IQCH: variants seen among roughly 807,000 people sequenced by gnomAD.
The protein encoded by IQCH is IQ motif containing H.
Under a neutral mutation model 117.0 loss-of-function variants are expected in IQCH, and 98 were observed. That is an observed-to-expected ratio of 0.84 (90% CI 0.71 to 0.99). The LOEUF (loss-of-function observed/expected upper bound fraction) is 0.99. Ranked by LOEUF, IQCH falls within the 50% of genes least tolerant of loss-of-function variation. The probability of loss-of-function intolerance (pLI) is 0.00; values close to 1 mark genes in which losing one functional copy is unlikely to be tolerated. For missense variants in IQCH, 1,102 were observed against 1,243.8 expected (o/e 0.89, Z 1.72); for synonymous variants, 412 against 448.2 (o/e 0.92, Z 1.02).
chr15:67,460,275 TA>T (rs1330889420), intron 16 of IQCH, among the ~76,000 whole-genome samples: 1 of 152,218 alleles, frequency 6.6e-6, no homozygotes, highest in Admixed American at 6.5e-5. Flanking sequence ...TGGAAGTCTA[TA>T]TACAGTTGCA....
Position 67,479,327 on chromosome 15 carries a change from G to A in IQCH, c.2799+3509G>A, listed in dbSNP as rs1459790433. Among the ~76,000 whole-genome samples the A allele has an allele frequency of 6.6e-6, 1 of 152,184 alleles. No individual in the cohort carries two copies. The highest frequency in any genetic ancestry group is 1.5e-5 in the Non-Finnish European group (1 of 68,038). On this transcript the variant is annotated intron_variant, in intron 18 of 20. Transcript: ENST00000335894. This position sits in a 1 kb window ranked among gnomAD's most constrained non-coding sequence, Gnocchi z 4.6. Reference sequence around the variant, plus strand: ...AGGGTCATACAGCCAGGAATTTTGTGGAACTGACATTTGAACCCGTAATTG... The same window carrying A: ...AGGGTCATACAGCCAGGAATTTTGTAGAACTGACATTTGAACCCGTAATTG...
At chr15:67,293,391 G>T (rs926720552) in intron 4 of IQCH, among the ~76,000 whole-genome samples, 1 of 152,088 alleles carries the variant, frequency 6.6e-6, no homozygotes, top group African/African-American at 2.4e-5. Context: ...ACTAAAATCT[G>T]TGTATGCTCA....
rs754052457 is a variant in IQCH at position 67,438,367 on chromosome 15, C to T, written c.2505+16790C>T. Among the ~76,000 whole-genome samples, 151 of 152,274 alleles carry T rather than the reference C, an allele frequency of 9.9e-4. 1 individual carries two copies. Among genetic ancestry groups the T allele is most frequent in the Middle Eastern group, 3.4e-3 (1 of 294 alleles). Reference sequence around the variant, plus strand: ...CAAATGCTGAGAGAATTCGCCATTACCACGCCACCACTACAAGAACTGCTA... The same window carrying T: ...CAAATGCTGAGAGAATTCGCCATTATCACGCCACCACTACAAGAACTGCTA... On this transcript the variant is annotated intron_variant, in intron 16 of 20. Coordinates refer to ENST00000335894, the MANE Select transcript of IQCH (RefSeq NM_001031715.3).
intron 16 of IQCH, among the ~76,000 whole-genome samples, chr15:67,446,859 A>G (rs1035155732): frequency 3.3e-5 from 5 of 152,190 alleles, no homozygotes; most frequent in Non-Finnish European, 7.3e-5. Context: ...TGAGACAGAA[A>G]GGTGTTAAGT....
At chr15:67,499,759 A>G (rs2083929055) in intron 20 of IQCH, among the ~76,000 whole-genome samples, 1 of 152,238 alleles carries the variant, frequency 6.6e-6, no homozygotes, top group Non-Finnish European at 1.5e-5. Flanking sequence ...AATATTTTAT[A>G]TAATGGGATA....
chr15:67,409,420 C>A (rs1211897511), intron 14 of IQCH, among the ~76,000 whole-genome samples: 1 of 152,146 alleles, frequency 6.6e-6, no homozygotes, highest in Non-Finnish European at 1.5e-5. Flanking sequence ...AGGGAATGAA[C>A]CTCTCTAGTG....
At chr15:67,292,894 GTTATCCATTGCATCTGA>G (rs2140507036) in intron 4 of IQCH, among the ~76,000 whole-genome samples, 1 of 152,184 alleles carries the variant, frequency 6.6e-6, no homozygotes, top group South Asian at 2.1e-4. Context: ...TCCTGGATCT[GTTATCCATTGCATCTGA>G]TTATTTTATT....
chr15:67,314,386 A>G (rs1210706715), intron 4 of IQCH, among the ~76,000 whole-genome samples: 2 of 151,676 alleles, frequency 1.3e-5, no homozygotes, highest in East Asian at 3.9e-4. Flanking sequence ...TGTCTTCCCA[A>G]TCTAATAATG....
intron 10 of IQCH, among the ~76,000 whole-genome samples, chr15:67,380,841 C>T (rs1970904153): frequency 1.3e-5 from 2 of 152,130 alleles, no homozygotes; most frequent in Non-Finnish European, 2.9e-5. Flanking sequence ...GAGAACTATT[C>T]CTCCAGATCA....
chr15:67,274,026 C>T (rs971273689), intron 3 of IQCH, among the ~76,000 whole-genome samples: 12 of 152,136 alleles, frequency 7.9e-5, no homozygotes, highest in African/African-American at 2.7e-4. Context: ...ATTGAGAAGT[C>T]GTTTGCCAGA....
chr15:67,309,592 A>G (rs2140556923), intron 4 of IQCH, among the ~76,000 whole-genome samples: 1 of 152,168 alleles, frequency 6.6e-6, no homozygotes, highest in East Asian at 1.9e-4. Flanking sequence ...CTAGTTGCAC[A>G]GGATACCCTC....
chr15:67,488,137 A>G (rs1339015821), intron 18 of IQCH, among the ~76,000 whole-genome samples: 2 of 152,098 alleles, frequency 1.3e-5, no homozygotes, highest in African/African-American at 4.8e-5. Flanking sequence ...ACAAGGCAAA[A>G]CCCTATCTCT....
At position 67,268,843 on chromosome 15, in the gene IQCH, G is replaced by GTACA. The variant is rs1374637025; in HGVS notation, c.269+5628_269+5629insACAT. On this transcript the variant is annotated intron_variant, in intron 3 of 20. Transcript: ENST00000335894. ...AAGATGTTAACACGTGGTAATCTATGTGAGGGGCATTCGCATGCTCACTGT... is the reference window on the plus strand; with the variant it reads ...AAGATGTTAACACGTGGTAATCTATGTACATGAGGGGCATTCGCATGCTCACTGT... 2.0e-5 allele frequency among the ~76,000 whole-genome samples: 3 copies of GTACA among 152,184 alleles called. No individual in the cohort carries two copies. The East Asian group carries it at 5.8e-4, about 29-fold the overall frequency.
intron 1 of IQCH, among the ~76,000 whole-genome samples, chr15:67,259,601 T>C (rs1019082991): frequency 1.3e-5 from 2 of 152,226 alleles, no homozygotes; most frequent in Non-Finnish European, 2.9e-5. Flanking sequence ...AACAAACCTT[T>C]GGTACAGTTT....
At position 67,350,855 on chromosome 15, in the gene IQCH, T is replaced by C. The variant is rs138297817; in HGVS notation, c.638-6490T>C. On this transcript the variant is annotated intron_variant, in intron 6 of 20. Transcript: ENST00000335894. ...AGTAGTAACTCAGTAAGTCTGACTT[T>C]TAGAAAGAATAATGGGGGAGGGACA... Among the ~76,000 whole-genome samples the C allele has an allele frequency of 6.4e-4, 97 of 152,236 alleles. 1 individual carries two copies. Among genetic ancestry groups the C allele is most frequent in the Admixed American group, 4.3e-3 (66 of 15,300 alleles).
In IQCH at chr15:67,365,566, T is replaced by G. The variant is rs1306482366; in HGVS notation, c.753+5681T>G. On this transcript the variant is annotated intron_variant, in intron 8 of 20. Transcript: ENST00000335894. The surrounding 1 kb of genome is among the most constrained non-coding windows in gnomAD (Gnocchi z 4.4). ...GTTTATATTTTAGTGAGAGAGGCAA[T>G]AATCAGATATTTAATATAATATCAA... is the stretch of plus-strand genomic sequence containing the variant. Among the ~76,000 whole-genome samples the G allele has an allele frequency of 6.6e-6, 1 of 152,072 alleles. No individual in the cohort carries two copies. Among genetic ancestry groups the G allele is most frequent in the Non-Finnish European group, 1.5e-5 (1 of 68,012 alleles).
Position 67,403,396 on chromosome 15 carries a change from A to G in IQCH, c.2097+3091A>G, listed in dbSNP as rs1383125051. 1.3e-5 allele frequency among the ~76,000 whole-genome samples: 2 copies of G among 152,200 alleles called. No homozygotes were observed. The highest frequency in any genetic ancestry group is 4.8e-5 in the African/African-American group (2 of 41,454). Reference sequence around the variant, plus strand: ...CGGTTAAAAAAAAATCAGTAGAGACATGTAGGTGATTTTTAGGAAAAGCAG... The same window carrying G: ...CGGTTAAAAAAAAATCAGTAGAGACGTGTAGGTGATTTTTAGGAAAAGCAG... On this transcript the variant is annotated intron_variant, in intron 14 of 20. Transcript: ENST00000335894. This position sits in a 1 kb window ranked among gnomAD's most constrained non-coding sequence, Gnocchi z 4.8.
chr15:67,373,191 T>G (rs1458548000), intron 9 of IQCH, among the ~76,000 whole-genome samples, 176 bp from the exon 10 acceptor site: 1 of 152,200 alleles, frequency 6.6e-6, no homozygotes, highest in Non-Finnish European at 1.5e-5. Context: ...CCCCTGCCAG[T>G]AGCATCATGT....
chr15:67,423,154 T>A (rs2081792578), intron 16 of IQCH, among the ~76,000 whole-genome samples: 1 of 152,200 alleles, frequency 6.6e-6, no homozygotes, highest in African/African-American at 2.4e-5. Context: ...CTGAAGGTCA[T>A]TCAGAACTCT....
Sources: allele counts gnomAD v4.1 joint callset (sites outside exome capture counted in the v4.1 genomes callset), GRCh38; gene constraint gnomAD v4.1.1; non-coding constraint Gnocchi (gnomAD v3.1); transcripts MANE v1.5; gene names NCBI Gene and HGNC (gene_info 2026-07-23, HGNC 2026-07-21).